BCAS4: variants seen among roughly 807,000 people sequenced by gnomAD.
The protein encoded by BCAS4 is breast carcinoma amplified sequence 4.
In BCAS4, 9 loss-of-function variants were observed where a neutral mutation model predicts 15.7. That is an observed-to-expected ratio of 0.57 (90% CI 0.34 to 1.00). The LOEUF is 1.00. Among genes scored for constraint, BCAS4 ranks in the 50% least tolerant of loss-of-function variants. BCAS4 has a pLI of 0.02. For missense variants in BCAS4, 225 were observed against 239.1 expected, an observed-to-expected ratio of 0.94 and a Z score of 0.39; for synonymous variants, 101 against 99.5, an observed-to-expected ratio of 1.02 and a Z score of -0.09.
intron 2 of BCAS4, among the ~76,000 whole-genome samples, chr20:50,827,644 C>A (rs982251048): frequency 6.6e-6 from 1 of 152,180 alleles, no homozygotes; most frequent in Admixed American, 6.6e-5. Context: ...TTTTGTGGAA[C>A]ACTTTCTTGC....
At chr20:50,801,152 C>T (rs750329629) in intron 1 of BCAS4, among the ~76,000 whole-genome samples, 6 of 152,078 alleles carry the variant, frequency 3.9e-5, no homozygotes, top group Non-Finnish European at 7.3e-5. Flanking sequence ...GGGGGCCGGG[C>T]GCCATGGCTC....
At chr20:50,848,233 G>A (rs1224002701) in intron 4 of BCAS4, among the ~76,000 whole-genome samples, 3 of 152,134 alleles carry the variant, frequency 2.0e-5, no homozygotes, top group Admixed American at 2.0e-4. Context: ...TCCAGCCTGG[G>A]TGACAGAGTG....
intron 2 of BCAS4, among the ~76,000 whole-genome samples, chr20:50,822,417 T>C (rs2088227318): frequency 6.6e-6 from 1 of 152,200 alleles, no homozygotes; most frequent in Non-Finnish European, 1.5e-5. Flanking sequence ...TAGCTGTCCT[T>C]AATCCACTAC....
chr20:50,797,596 A>G lies in BCAS4; in HGVS notation c.90+2423A>G, dbSNP rs2087881019. On this transcript the variant is annotated intron_variant, in intron 1 of 4. Coordinates refer to ENST00000371608, the MANE Select transcript of BCAS4 (RefSeq NM_198799.4). ...AACAAAAATTTAAAAATTAAAAATA[A>G]CATGAGCATGTATCCATAAACACTG... Among the ~76,000 whole-genome samples the G allele has an allele frequency of 2.0e-5, 3 of 152,168 alleles. No homozygotes were observed. The South Asian group carries it at 6.2e-4, about 32-fold the overall frequency.
At chr20:50,875,650 G>A (rs186159545) in intron 4 of BCAS4, among the ~76,000 whole-genome samples, 26 of 151,634 alleles carry the variant, frequency 1.7e-4, no homozygotes, top group Non-Finnish European at 3.5e-4. Flanking sequence ...GCGTGGTGGT[G>A]CACGCCTATA....
At chr20:50,839,543 C>T (rs910548151) in intron 3 of BCAS4, among the ~76,000 whole-genome samples, 7 of 152,204 alleles carry the variant, frequency 4.6e-5, no homozygotes, top group Admixed American at 6.5e-5. Context: ...TGCCCTGTCC[C>T]CCAGGCTGGA....
chr20:50,837,568 C>T (rs2088424396), intron 3 of BCAS4, among the ~76,000 whole-genome samples: 1 of 152,202 alleles, frequency 6.6e-6, no homozygotes, highest in Non-Finnish European at 1.5e-5. Context: ...ATGCTCCCTG[C>T]ACCCAGCCCT....
At chr20:50,823,077 C>T (rs118162388) in intron 2 of BCAS4, among the ~76,000 whole-genome samples, 4,429 of 152,024 alleles carry the variant, frequency 0.029, 81 homozygotes, top group Non-Finnish European at 0.042. Context: ...TGGTAGCTCA[C>T]GCCTGTAATC....
At chr20:50,818,357 G>T in intron 2 of BCAS4, 75 bp downstream of exon 2, 2 of 1,433,400 alleles carry the variant, frequency 1.4e-6, no homozygotes, top group Non-Finnish European at 1.9e-6. Flanking sequence ...TTCTGCGGAA[G>T]CCATTTTGGT....
chr20:50,818,174 CCACTTGCTAATCTCCAGGA>C lies in BCAS4; in HGVS notation c.91-36_91-18del. ...TGAAGGGTGTTTGTCTCCCTGGAAA[CCACTTGCTAATCTCCAGGA>C]TATCGTCTCTTTTTCAGGCGAAGGA... is the stretch of plus-strand genomic sequence containing the variant. On this transcript the variant is annotated intron_variant, in intron 1 of 4. Transcript: ENST00000371608. 1 of 1,592,486 alleles carries C rather than the reference CCACTTGCTAATCTCCAGGA, an allele frequency of 6.3e-7. No individual in the cohort carries two copies. Among genetic ancestry groups the C allele is most frequent in the Non-Finnish European group, 8.6e-7 (1 of 1,161,432 alleles).
chr20:50,805,240 T>G (rs1483598210), intron 1 of BCAS4, among the ~76,000 whole-genome samples: 1 of 152,186 alleles, frequency 6.6e-6, no homozygotes, highest in African/African-American at 2.4e-5. Flanking sequence ...GCACCCGTTA[T>G]CTGTCATTCC....
chr20:50,805,466 C>A (rs2087977814), intron 1 of BCAS4, among the ~76,000 whole-genome samples: 1 of 152,162 alleles, frequency 6.6e-6, no homozygotes, highest in South Asian at 2.1e-4. Context: ...ATCTGGATTG[C>A]CATTTGTCTT....
chr20:50,822,999 G>A (rs1410247358), intron 2 of BCAS4, among the ~76,000 whole-genome samples: 1 of 152,054 alleles, frequency 6.6e-6, no homozygotes, highest in East Asian at 1.9e-4. Flanking sequence ...GATAAGGAAT[G>A]AAAACAAGTG....
chr20:50,799,667 T>G (rs1432392318), intron 1 of BCAS4, among the ~76,000 whole-genome samples: 1 of 152,172 alleles, frequency 6.6e-6, no homozygotes, highest in African/African-American at 2.4e-5. Flanking sequence ...TTCAGCACCT[T>G]CAGCCTCGGT....
At chr20:50,795,235 G>T in intron 1 of BCAS4, 62 bp downstream of exon 1, 1 of 1,268,012 alleles carries the variant, frequency 7.9e-7, no homozygotes, top group Non-Finnish European at 1.0e-6. Flanking sequence ...CCGGGCTCCG[G>T]ACCCTCGGCT....
At chr20:50,871,195 G>C (rs2904287) in intron 4 of BCAS4, among the ~76,000 whole-genome samples, 1,936 of 152,322 alleles carry the variant, frequency 0.013, 46 homozygotes, top group African/African-American at 0.044. Flanking sequence ...GGCTGGTCTT[G>C]GAGCTGGACA....
Position 50,830,379 on chromosome 20 carries a change from A to T in BCAS4, c.263A>T (p.Glu88Val), listed in dbSNP as rs148031038. Reference protein sequence around the residue: ...RGIYAKVDRLEAFVKMVGHHV... With the variant: ...RGIYAKVDRLVAFVKMVGHHV... Reference sequence around the variant, plus strand: ...ATCTATGCCAAAGTGGACCGGCTAGAGGTACGTCTAGGCAAACGAAGGTTC... The same window carrying T: ...ATCTATGCCAAAGTGGACCGGCTAGTGGTACGTCTAGGCAAACGAAGGTTC... Residue 88 changes from glutamate to valine, a missense_variant and splice_region_variant, in exon 3 of 5, where the codon GAG (glutamate) becomes GTG (valine). Transcript: ENST00000371608. 102 of 1,611,736 alleles carry T rather than the reference A, an allele frequency of 6.3e-5. No individual in the cohort carries two copies. The highest frequency in any genetic ancestry group is 7.9e-5 in the Non-Finnish European group (93 of 1,178,934).
At chr20:50,861,399 G>T (rs959639162) in intron 4 of BCAS4, among the ~76,000 whole-genome samples, 2 of 152,258 alleles carry the variant, frequency 1.3e-5, no homozygotes, top group Non-Finnish European at 1.5e-5. Context: ...AGCCCACAGT[G>T]TGGGCCTGGG....
At chr20:50,809,119 C>G (rs1272886990) in intron 1 of BCAS4, among the ~76,000 whole-genome samples, 1 of 152,090 alleles carries the variant, frequency 6.6e-6, no homozygotes, top group African/African-American at 2.4e-5. Context: ...TTTTTGTTTA[C>G]TTTGTCAAAG....
Sources: allele counts gnomAD v4.1 joint callset (sites outside exome capture counted in the v4.1 genomes callset), GRCh38; gene constraint gnomAD v4.1.1; transcripts MANE v1.5; gene names NCBI Gene and HGNC (gene_info 2026-07-23, HGNC 2026-07-21).